The following GAK variants were observed in gnomAD, a reference collection of about 807,000 sequenced individuals.
GAK encodes cyclin-G-associated kinase.
In GAK, 79 loss-of-function variants were observed where a neutral mutation model predicts 143.9. The ratio of observed to expected loss-of-function variants is 0.55; its 90% CI spans 0.46 to 0.66. The LOEUF is 0.66. GAK is among the 30% of genes least tolerant of loss of function. The probability of loss-of-function intolerance (pLI) is 0.00; values close to 1 mark genes in which losing one functional copy is unlikely to be tolerated. For synonymous variants in GAK, 881 were observed against 765.5 expected, an observed-to-expected ratio of 1.15 and a Z score of -2.49; for missense variants, 1,693 against 1,779.7, an observed-to-expected ratio of 0.95 and a Z score of 0.88.
chr4:886,943 G>A (rs1716457142), intron 11 of GAK: 1 of 152,404 alleles, frequency 6.6e-6, no homozygotes. Context: ...GTTGCACAAG[G>A]ACAAGGCACA....
At chr4:849,833 G>GGGGGGGGGCCCCCCCC in intron 27 of GAK, 59 bp from the exon 28 acceptor site, 3 of 1,190,154 alleles carry the variant, frequency 2.5e-6, no homozygotes, top group Non-Finnish European at 3.5e-6. Flanking sequence ...GGCGGGGCAG[G>GGGGGGGGGCCCCCCCC]ACCCCCCCCC....
chr4:928,198 C>A (rs1480655006), intron 1 of GAK, among the ~76,000 whole-genome samples: 1 of 152,232 alleles, frequency 6.6e-6, no homozygotes, highest in African/African-American at 2.4e-5. Flanking sequence ...GCTGGGATTA[C>A]AGGCACGCGC....
intron 1 of GAK, among the ~76,000 whole-genome samples, chr4:914,743 G>GCC (rs1722786140): frequency 1.5e-5 from 1 of 67,104 alleles, no homozygotes; most frequent in South Asian, 5.6e-4. Context: ...AGCGTGCAAG[G>GCC]CCCCACACAC....
At chr4:889,282 C>T (rs1283510621) in intron 10 of GAK, among the ~76,000 whole-genome samples, 1 of 152,244 alleles carries the variant, frequency 6.6e-6, no homozygotes, top group African/African-American at 2.4e-5. Flanking sequence ...GTGGCCGCCT[C>T]AGCACAGCTG....
rs1749838994 is a variant in GAK, at chr4:859,282, C to A, written c.3283+324G>T. On this transcript the variant is annotated intron_variant, in intron 24 of 27. Coordinates refer to ENST00000314167, the MANE Select transcript of GAK (RefSeq NM_005255.4). ...CACAGCCTCGGGGACTGAGCAGAGC[C>A]CAGCTACACCCCACTTCCATGCAGA... 5 of 1,270,786 alleles carry A rather than the reference C, an allele frequency of 3.9e-6. No individual in the cohort carries two copies. The Admixed American group carries it at 7.3e-5, about 18-fold the overall frequency. The allele number at this position is 1,270,786 out of a possible 1,614,324, so 78.7% of individuals were successfully genotyped here. A position where few individuals can be genotyped will look rare whatever the true frequency, so the allele number is the denominator to read the frequency against.
chr4:921,271 T>A (rs1723884103), intron 1 of GAK, among the ~76,000 whole-genome samples: 1 of 152,088 alleles, frequency 6.6e-6, no homozygotes, highest in South Asian at 2.1e-4. Flanking sequence ...CCCGGCTAAT[T>A]TTTGTATTTT....
At position 859,236 on chromosome 4, in the gene GAK, C is replaced by T. The variant is rs552096241; in HGVS notation, c.3283+370G>A. 62 of 1,191,090 alleles carry T rather than the reference C, an allele frequency of 5.2e-5. No individual in the cohort carries two copies. In the Admixed American group the frequency reaches 1.1e-3, roughly 22 times the overall value. 73.8% of individuals were successfully genotyped at this position (1,191,090 alleles called of 1,614,324 possible). A position where few individuals can be genotyped will look rare whatever the true frequency, so the allele number is the denominator to read the frequency against. ...AGAGGGTGGGCTCGGTTCTTGTGGC[C>T]GACAGCTAGCACGCTCCGAGCACAG... On this transcript the variant is annotated intron_variant, in intron 24 of 27. Coordinates refer to ENST00000314167, the MANE Select transcript of GAK (RefSeq NM_005255.4).
At chr4:928,006 A>G (rs1385357228) in intron 1 of GAK, among the ~76,000 whole-genome samples, 1 of 152,216 alleles carries the variant, frequency 6.6e-6, no homozygotes, top group Admixed American at 6.5e-5. Flanking sequence ...CTCAGTCACA[A>G]GTCCTATGTG....
At chr4:898,762 C>A (rs1304726172) in intron 5 of GAK, among the ~76,000 whole-genome samples, 1 of 152,144 alleles carries the variant, frequency 6.6e-6, no homozygotes, top group Admixed American at 6.5e-5. Flanking sequence ...ACTCAGGAGG[C>A]TGAGGCAGGA....
At chr4:849,834 A>ACCCCCCCCCCCCCCCCCCCCCCCAGGCC (rs33919242) in intron 27 of GAK, 58 bp downstream of exon 27, 1 of 839,146 alleles carries the variant, frequency 1.2e-6, no homozygotes, top group Non-Finnish European at 1.8e-6. Context: ...GCGGGGCAGG[A>ACCCCCCCCCCCCCCCCCCCCCCCAGGCC]CCCCCCCCCC....
At chr4:853,334 G>A (rs578050780) in intron 24 of GAK, 2 of 152,448 alleles carry the variant, frequency 1.3e-5, no homozygotes, top group South Asian at 4.1e-4. Context: ...CTGAACGCCT[G>A]TTACGGACTT....
chr4:875,220 C>A (rs1713594930), intron 18 of GAK, among the ~76,000 whole-genome samples: 1 of 152,134 alleles, frequency 6.6e-6, no homozygotes, highest in Non-Finnish European at 1.5e-5. Flanking sequence ...TCCACCGTGG[C>A]TGAAAACTCT....
chr4:850,436 C>T (rs1285881683), intron 26 of GAK: 12 of 224,040 alleles, frequency 5.4e-5, no homozygotes, highest in African/African-American at 1.1e-4. Context: ...AGGTCACAGG[C>T]GCATGTGGCC....
chr4:850,852 C>G, intron 26 of GAK, 84 bp downstream of exon 26: 2 of 1,458,882 alleles, frequency 1.4e-6, no homozygotes, highest in South Asian at 2.6e-5. Flanking sequence ...TCTGGAGACG[C>G]CGGCTCCATA....
chr4:870,402 T>C (rs191507745), intron 19 of GAK, among the ~76,000 whole-genome samples: 2 of 152,202 alleles, frequency 1.3e-5, no homozygotes, highest in East Asian at 3.9e-4. Context: ...ATGACAAAAA[T>C]CTGACCCAGA....
At chr4:912,433 G>T in intron 3 of GAK, 1 of 400,378 alleles carries the variant, frequency 2.5e-6, no homozygotes. Flanking sequence ...GGCCGGGCCG[G>T]GCAAGGGCCC....
rs149432967 is a variant in GAK at position 893,417 on chromosome 4, G to A, written c.950C>T (p.Ala317Val). 1.8e-5 allele frequency: 29 copies of A among 1,589,992 alleles called. No individual in the cohort carries two copies. Among genetic ancestry groups the A allele is most frequent in the African/African-American group, 2.7e-5 (2 of 73,664 alleles). Reference protein sequence around the residue: ...AEVVHQLQEIAAARNVNPKSP... With the variant: ...AEVVHQLQEIVAARNVNPKSP... ...CTTGGGGTTCACGTTGCGGGCGGCC[G>A]CGATCTCCTGCAGCTGGTGCACCAC... The change falls in exon 9 of 28, where the codon GCG (alanine) becomes GTG (valine). Residue 317 changes from alanine (A) to valine (V), a missense_variant. Around this residue, in one of 2 missense-constraint regions of GAK, gnomAD observed 871 missense variants for 991.0 expected, o/e 0.88. Transcript: ENST00000314167.
rs550244046 is a variant in GAK, at chr4:883,600, G to A, written c.1256-137C>T. The A allele has an allele frequency of 3.2e-4, 313 of 976,134 alleles. 3 individuals are homozygous for A. In the East Asian group the frequency reaches 7.3e-3, roughly 23 times the overall value. The allele number at this position is 976,134 out of a possible 1,614,324, so 60.5% of individuals were successfully genotyped here. On this transcript the variant is annotated intron_variant, in intron 12 of 27. Transcript: ENST00000314167. ...TCCACCAGCCACTGCCCACACAGCC[G>A]GCCCCCTCACCCTCCGTGGACTCCC...
chr4:877,105 G>T lies in GAK; in HGVS notation c.1959C>A (p.Gly653=). ...VIYHARSTLG[G]RLQAKMASMK... ...GCTCTCTCACCTTGGCCTGCAGCCGGCCGCCCAGAGTGGACCGGGCGTGAT... is the reference window on the plus strand; with the variant it reads ...GCTCTCTCACCTTGGCCTGCAGCCGTCCGCCCAGAGTGGACCGGGCGTGAT... Residue 653 remains glycine, a synonymous_variant, in exon 17 of 28, where the codon GGC becomes GGA. Transcript: ENST00000314167. 1.9e-6 allele frequency: 3 copies of T among 1,611,368 alleles called. No homozygotes were observed. In the South Asian group the frequency reaches 3.3e-5, roughly 18 times the overall value.
Sources: allele counts gnomAD v4.1 joint callset (sites outside exome capture counted in the v4.1 genomes callset), GRCh38; gene constraint gnomAD v4.1.1; regional missense constraint gnomAD v4.1.1; transcripts MANE v1.5; gene names NCBI Gene and HGNC (gene_info 2026-07-23, HGNC 2026-07-21).